SAG: variants seen among roughly 807,000 people sequenced by gnomAD.
SAG encodes S-antigen visual arrestin.
SAG carries 45 observed loss-of-function variants against 55.0 expected under a neutral mutation model. The observed-to-expected ratio is 0.82, with a 90% confidence interval of 0.64 to 1.05. The LOEUF (loss-of-function observed/expected upper bound fraction) is 1.05. SAG is among the 50% of genes least tolerant of loss of function. The probability of loss-of-function intolerance (pLI) is 0.00; values close to 1 mark genes in which losing one functional copy is unlikely to be tolerated. For synonymous variants in SAG, 189 were observed against 197.4 expected (o/e 0.96, Z 0.36); for missense variants, 455 against 512.1 (o/e 0.89, Z 1.08).
intron 2 of SAG, among the ~76,000 whole-genome samples, chr2:233,313,889 G>T (rs1373427350): frequency 6.6e-6 from 1 of 151,522 alleles, no homozygotes; most frequent in African/African-American, 2.4e-5. Flanking sequence ...TTTAAAAGGG[G>T]CTGTTTGCTA....
rs751638086 is a variant in SAG at position 233,340,697 on chromosome 2, G to A, written c.1046+219G>A. On this transcript the variant is annotated intron_variant, in intron 13 of 15. Coordinates refer to ENST00000409110, the MANE Select transcript of SAG (RefSeq NM_000541.5). The surrounding 1 kb of genome is among the most constrained non-coding windows in gnomAD (Gnocchi z 4.2). ...GGGACCACAGCTAGACCTATGCCTG[G>A]GTAAGGACACACACATACACACCCA... is the stretch of plus-strand genomic sequence containing the variant. Among the ~76,000 whole-genome samples the A allele has an allele frequency of 1.6e-4, 24 of 152,094 alleles. No homozygotes were observed. The highest frequency in any genetic ancestry group is 3.4e-4 in the Non-Finnish European group (23 of 68,030).
At chr2:233,336,164 C>T (rs1700920829) in intron 11 of SAG, among the ~76,000 whole-genome samples, 1 of 152,218 alleles carries the variant, frequency 6.6e-6, no homozygotes, top group African/African-American at 2.4e-5. Flanking sequence ...GTAAGATGAA[C>T]AATGATGGCT....
At chr2:233,323,642 C>T (rs529305579) in intron 6 of SAG, among the ~76,000 whole-genome samples, 3 of 152,220 alleles carry the variant, frequency 2.0e-5, no homozygotes, top group Admixed American at 6.5e-5. Flanking sequence ...GGATTACAGG[C>T]GTGAGCCACC....
Position 233,320,883 on chromosome 2 carries a change from G to C in SAG, c.375+60G>C, listed in dbSNP as rs536127785. On this transcript the variant is annotated intron_variant, in intron 5 of 15. Coordinates refer to ENST00000409110, the MANE Select transcript of SAG (RefSeq NM_000541.5). ...ACCCGCAGCACCTTATCATGTGGATGGGGGCAAAGGAAAGGGGATAGAGGA... is the reference window on the plus strand; with the variant it reads ...ACCCGCAGCACCTTATCATGTGGATCGGGGCAAAGGAAAGGGGATAGAGGA... The C allele has an allele frequency of 1.5e-5, 21 of 1,404,486 alleles. No individual in the cohort carries two copies. The South Asian group carries it at 1.8e-4, about 12-fold the overall frequency. The allele number at this position is 1,404,486 out of a possible 1,614,324, so 87.0% of individuals were successfully genotyped here.
intron 11 of SAG, among the ~76,000 whole-genome samples, chr2:233,335,357 T>C (rs1250760516): frequency 6.6e-6 from 1 of 152,174 alleles, no homozygotes; most frequent in Non-Finnish European, 1.5e-5. Context: ...GGAAAACACC[T>C]TGAGTTCTCT....
Position 233,309,595 on chromosome 2 carries a change from A to C in SAG, c.75+331A>C, listed in dbSNP as rs553937009. ...AGGAGGTACAGGTTGCAGTGAGCCC[A>C]GATGGTGCCACTGCACTCTAGCCTG... On this transcript the variant is annotated intron_variant, in intron 2 of 15. Coordinates refer to ENST00000409110, the MANE Select transcript of SAG (RefSeq NM_000541.5). Among the ~76,000 whole-genome samples, 42 of 152,232 alleles carry C rather than the reference A, an allele frequency of 2.8e-4. No homozygotes were observed. In the South Asian group the frequency reaches 8.7e-3, roughly 32 times the overall value.
Position 233,347,048 on chromosome 2 carries a change from T to C in SAG, c.*136T>C. On this transcript the variant is annotated 3_prime_UTR_variant, in exon 16 of 16. Transcript: ENST00000409110. This position sits in a 1 kb window ranked among gnomAD's most constrained non-coding sequence, Gnocchi z 4.5. ...TCCGAGAAATAAAGCTTGTTTGTTC[T>C]CCCCTGGGTCATGAGTTGGTTGATT... is the stretch of plus-strand genomic sequence containing the variant. 1.6e-6 allele frequency: 1 copy of C among 615,560 alleles called. No individual in the cohort carries two copies. The allele number at this position is 615,560 out of a possible 1,614,324, so 38.1% of individuals were successfully genotyped here. A position where few individuals can be genotyped will look rare whatever the true frequency, so the allele number is the denominator to read the frequency against.
intron 14 of SAG, chr2:233,344,997 G>C (rs1218512712): frequency 6.6e-6 from 1 of 152,098 alleles, no homozygotes; most frequent in African/African-American, 2.4e-5. Flanking sequence ...TCTTGCTCAG[G>C]GGATGTTTTG....
At chr2:233,327,456 T>C (rs549901629) in intron 7 of SAG, 1 of 360,900 alleles carries the variant, frequency 2.8e-6, no homozygotes, top group African/African-American at 2.1e-5. Flanking sequence ...TGTTGAAGTT[T>C]TGTTGTTGTT....
chr2:233,321,989 AC>A (rs1700394401), intron 5 of SAG, among the ~76,000 whole-genome samples: 4 of 4,570 alleles, frequency 8.8e-4, no homozygotes, highest in Non-Finnish European at 1.5e-3. Context: ...CTAAAAATAC[AC>A]ACACACACAC....
Position 233,334,956 on chromosome 2 carries a change from C to T in SAG, c.807-6C>T. The T allele has an allele frequency of 2.5e-6, 4 of 1,613,910 alleles. No individual in the cohort carries two copies. The highest frequency in any genetic ancestry group is 3.4e-6 in the Non-Finnish European group (4 of 1,179,796). On this transcript the variant is annotated splice_polypyrimidine_tract_variant and splice_region_variant and intron_variant, in intron 10 of 15. Coordinates refer to ENST00000409110, the MANE Select transcript of SAG (RefSeq NM_000541.5). Reference sequence around the variant, plus strand: ...TTATAAATCTCCTCTGTTCTTCTTCCTCTAGAGAAAAAGTGCCACCAAACA... The same window carrying T: ...TTATAAATCTCCTCTGTTCTTCTTCTTCTAGAGAAAAAGTGCCACCAAACA...
chr2:233,338,041 A>G (rs1224801319), intron 11 of SAG, among the ~76,000 whole-genome samples: 8 of 152,192 alleles, frequency 5.3e-5, no homozygotes, highest in Non-Finnish European at 1.2e-4. Flanking sequence ...TCACTTAAAC[A>G]TTGACAGCTC....
rs974255474 is a variant in SAG at position 233,319,715 on chromosome 2, C to G, written c.182-915C>G. Reference sequence around the variant, plus strand: ...GAGCCCCGAAAGCCCAAGTCCTTGACCAGAGAAGGGCGCCTGTTCTCAGGG... The same window carrying G: ...GAGCCCCGAAAGCCCAAGTCCTTGAGCAGAGAAGGGCGCCTGTTCTCAGGG... On this transcript the variant is annotated intron_variant, in intron 4 of 15. Transcript: ENST00000409110. The surrounding 1 kb of genome is among the most constrained non-coding windows in gnomAD (Gnocchi z 4.4). 6 of 985,652 alleles carry G rather than the reference C, an allele frequency of 6.1e-6. No individual in the cohort carries two copies. In the African/African-American group the frequency reaches 1.0e-4, roughly 17 times the overall value. The allele number at this position is 985,652 out of a possible 1,614,324, so 61.1% of individuals were successfully genotyped here.
chr2:233,316,332 AT>A (rs1349655789), intron 3 of SAG, among the ~76,000 whole-genome samples, 197 bp downstream of exon 3: 1 of 151,516 alleles, frequency 6.6e-6, no homozygotes, highest in Non-Finnish European at 1.5e-5. Context: ...TTTTTTTGAG[AT>A]GGAGTTTCAT....
intron 9 of SAG, among the ~76,000 whole-genome samples, chr2:233,330,699 T>C (rs1700732759): frequency 6.6e-6 from 1 of 152,006 alleles, no homozygotes; most frequent in Admixed American, 6.6e-5. Flanking sequence ...GCCTGGCTAA[T>C]TTTGTATTTT....
chr2:233,345,266 CTT>C (rs995410790), intron 14 of SAG: 5 of 152,210 alleles, frequency 3.3e-5, no homozygotes, highest in African/African-American at 1.2e-4. Context: ...AAATTGAAAA[CTT>C]TGCGGCTGGG....
In SAG at chr2:233,340,159, G is replaced by A. The variant is rs1042070074; in HGVS notation, c.1023-296G>A. Reference sequence around the variant, plus strand: ...TTTAGTAGAGATGGGGTTTTACCACGTTGGTCAGGCTGGTCTGGAACTCAT... The same window carrying A: ...TTTAGTAGAGATGGGGTTTTACCACATTGGTCAGGCTGGTCTGGAACTCAT... On this transcript the variant is annotated intron_variant, in intron 12 of 15. Coordinates refer to ENST00000409110, the MANE Select transcript of SAG (RefSeq NM_000541.5). This position sits in a 1 kb window ranked among gnomAD's most constrained non-coding sequence, Gnocchi z 4.2. Among the ~76,000 whole-genome samples the A allele has an allele frequency of 1.8e-4, 28 of 151,764 alleles. 1 individual carries two copies. The highest frequency in any genetic ancestry group is 7.2e-4 in the Admixed American group (11 of 15,218).
chr2:233,342,454 G>A (rs1210252826), intron 14 of SAG, 128 bp downstream of exon 14: 1 of 760,052 alleles, frequency 1.3e-6, no homozygotes, highest in East Asian at 2.7e-5. Flanking sequence ...GATTCCATGT[G>A]ATCTACAAGG....
At chr2:233,335,232 G>A in intron 11 of SAG, 133 bp downstream of exon 11, 1 of 1,178,410 alleles carries the variant, frequency 8.5e-7, no homozygotes, top group African/African-American at 1.5e-5. Flanking sequence ...AGTGTGGAGT[G>A]CATATCTACG....
Sources: allele counts gnomAD v4.1 joint callset (sites outside exome capture counted in the v4.1 genomes callset), GRCh38; gene constraint gnomAD v4.1.1; non-coding constraint Gnocchi (gnomAD v3.1); transcripts MANE v1.5; gene names NCBI Gene and HGNC (gene_info 2026-07-23, HGNC 2026-07-21).